The following GMDS variants were observed in gnomAD, a reference collection of about 807,000 sequenced individuals.
GMDS encodes the protein GDP-mannose 4,6 dehydratase.
Under a neutral mutation model 49.9 loss-of-function variants are expected in GMDS, and 20 were observed. The ratio of observed to expected loss-of-function variants is 0.40; its 90% CI spans 0.28 to 0.58. The LOEUF is 0.58. GMDS is among the 20% of genes least tolerant of loss of function. GMDS has a pLI of 0.42. For missense variants in GMDS, 362 were observed against 481.4 expected (o/e 0.75, Z 2.32); for synonymous variants, 177 against 178.6 (o/e 0.99, Z 0.07).
chr6:1,825,321 C>A (rs1390659846), intron 7 of GMDS, among the ~76,000 whole-genome samples: 1 of 152,136 alleles, frequency 6.6e-6, no homozygotes, highest in Non-Finnish European at 1.5e-5. Context: ...TATTTTCTTA[C>A]CTCTTAAAAA....
intron 4 of GMDS, among the ~76,000 whole-genome samples, chr6:2,001,202 T>C (rs180917169): frequency 1.3e-5 from 2 of 152,354 alleles, no homozygotes; most frequent in East Asian, 3.9e-4. Context: ...TATGGACTGG[T>C]ATTTCATTAT....
At chr6:2,124,758 C>T (rs776439269) in intron 1 of GMDS, 27 bp from the exon 2 acceptor site, 14 of 1,591,038 alleles carry the variant, frequency 8.8e-6, no homozygotes, top group Admixed American at 6.7e-5. Flanking sequence ...AATTGCAAAA[C>T]GTCAGTCTCA....
chr6:2,161,308 C>G (rs1041881858), intron 1 of GMDS, among the ~76,000 whole-genome samples: 1 of 152,170 alleles, frequency 6.6e-6, no homozygotes, highest in East Asian at 1.9e-4. Context: ...CACACCCGGC[C>G]TATATGCTAA....
rs147993879 is a variant in GMDS, at chr6:2,159,071, G to A, written c.103-34340C>T. Among the ~76,000 whole-genome samples the A allele has an allele frequency of 5.8e-3, 890 of 152,246 alleles. 3 individuals carry two copies. Among genetic ancestry groups the A allele is most frequent in the Middle Eastern group, 0.024 (7 of 294 alleles). On this transcript the variant is annotated intron_variant, in intron 1 of 10. Coordinates refer to ENST00000380815, the MANE Select transcript of GMDS (RefSeq NM_001500.4). ...TTTTTCCTCAATTTTTTAGAATTGC[G>A]ACACTTCATGAAAGTCAACACTTCC...
At chr6:1,738,389 A>T (rs1767132150) in intron 8 of GMDS, among the ~76,000 whole-genome samples, 1 of 152,254 alleles carries the variant, frequency 6.6e-6, no homozygotes, top group Non-Finnish European at 1.5e-5. Flanking sequence ...TTTTCTAATA[A>T]ATGCAAAACA....
intron 6 of GMDS, among the ~76,000 whole-genome samples, chr6:1,949,516 T>C (rs1423981815): frequency 1.3e-5 from 2 of 152,174 alleles, no homozygotes; most frequent in Non-Finnish European, 2.9e-5. Flanking sequence ...CCTCAGGAGA[T>C]GGGAGGGATT....
intron 1 of GMDS, among the ~76,000 whole-genome samples, chr6:2,230,058 C>T (rs571724250): frequency 2.7e-5 from 4 of 150,840 alleles, no homozygotes; most frequent in African/African-American, 7.4e-5. Flanking sequence ...TCTGAAGACC[C>T]CTATCCAGAG....
intron 4 of GMDS, among the ~76,000 whole-genome samples, chr6:2,026,989 CA>C (rs1013685089): frequency 1.9e-4 from 29 of 151,948 alleles, no homozygotes; most frequent in African/African-American, 7.0e-4. Flanking sequence ...GAAAATATAC[CA>C]AAAAATCCCC....
intron 1 of GMDS, among the ~76,000 whole-genome samples, chr6:2,224,324 C>T (rs1034322133): frequency 5.3e-5 from 8 of 152,188 alleles, no homozygotes; most frequent in Non-Finnish European, 1.0e-4. Context: ...GGTTACTGTG[C>T]TTCATCTTTA....
In GMDS at chr6:1,858,056, G is replaced by T. The variant is rs149789184; in HGVS notation, c.771+72047C>A. Among the ~76,000 whole-genome samples the T allele has an allele frequency of 7.2e-5, 11 of 152,198 alleles. 1 individual carries two copies. The highest frequency in any genetic ancestry group is 6.8e-3 in the Middle Eastern group (2 of 294). The stretch of plus-strand genomic sequence containing the variant: ...AGAGTAACGAATGTATTATACTTAC[G>T]AAGATCTATGTCATACTACCTAAGA... On this transcript the variant is annotated intron_variant, in intron 7 of 10. Transcript: ENST00000380815.
At chr6:1,948,334 T>G (rs1763185152) in intron 6 of GMDS, among the ~76,000 whole-genome samples, 1 of 152,254 alleles carries the variant, frequency 6.6e-6, no homozygotes, top group Non-Finnish European at 1.5e-5. Flanking sequence ...AAATTTCCAC[T>G]TACAATTAAC....
At chr6:1,874,481 T>C (rs1341768802) in intron 7 of GMDS, among the ~76,000 whole-genome samples, 1 of 152,138 alleles carries the variant, frequency 6.6e-6, no homozygotes, top group East Asian at 1.9e-4. Context: ...GAGGACATGA[T>C]AGTTTGAAAT....
chr6:1,804,498 T>C (rs1308810134), intron 7 of GMDS, among the ~76,000 whole-genome samples: 1 of 152,266 alleles, frequency 6.6e-6, no homozygotes, highest in Non-Finnish European at 1.5e-5. Context: ...TGGGTAAAAC[T>C]GTTGGCTTTA....
chr6:1,652,400 A>G (rs1763685417), intron 9 of GMDS, among the ~76,000 whole-genome samples: 1 of 4,928 alleles, frequency 2.0e-4, no homozygotes, highest in African/African-American at 5.0e-4. Context: ...TATTATATAT[A>G]TATATATATT....
intron 7 of GMDS, among the ~76,000 whole-genome samples, chr6:1,772,393 C>G (rs1468812702): frequency 1.3e-5 from 2 of 152,294 alleles, no homozygotes; most frequent in Non-Finnish European, 2.9e-5. Context: ...ATGGCATACC[C>G]CCTCCATTTG....
At chr6:2,216,997 G>A (rs1270547131) in intron 1 of GMDS, among the ~76,000 whole-genome samples, 3 of 151,942 alleles carry the variant, frequency 2.0e-5, no homozygotes, top group East Asian at 1.9e-4. Context: ...TCTGAGACCC[G>A]CACATCAGAC....
intron 4 of GMDS, among the ~76,000 whole-genome samples, chr6:2,007,421 G>A (rs1767261341): frequency 6.6e-6 from 1 of 152,032 alleles, no homozygotes; most frequent in Non-Finnish European, 1.5e-5. Context: ...TACACTTCTG[G>A]TAAAACATGC....
intron 4 of GMDS, among the ~76,000 whole-genome samples, chr6:2,054,757 G>GA (rs543022597): frequency 2.9e-4 from 42 of 144,956 alleles, no homozygotes; most frequent in Admixed American, 6.8e-4. Flanking sequence ...CCCAGGGGGG[G>GA]AAAAAAAAAA....
intron 2 of GMDS, among the ~76,000 whole-genome samples, chr6:2,119,198 A>T (rs1247747469): frequency 2.0e-5 from 3 of 152,206 alleles, no homozygotes; most frequent in Non-Finnish European, 4.4e-5. Flanking sequence ...ATATTCCAAC[A>T]GCCCAAAATA....
Sources: gnomAD v4.1 joint callset for allele counts (sites outside exome capture counted in the v4.1 genomes callset) on GRCh38, gnomAD v4.1.1 for gene constraint, MANE v1.5 for transcripts, NCBI Gene and HGNC (gene_info 2026-07-23, HGNC 2026-07-21) for gene names.